Variants in FAF1 observed in about 807,000 individuals in gnomAD.
FAF1 encodes Fas associated factor 1, also known as FAS-associated factor 1.
In FAF1, 25 loss-of-function variants were observed where a neutral mutation model predicts 92.5. That is an observed-to-expected ratio of 0.27 (90% CI 0.20 to 0.38). FAF1 has a LOEUF of 0.38. FAF1 is among the 10% of genes least tolerant of loss of function. The pLI, the probability that FAF1 is intolerant of heterozygous loss-of-function variation, is 1.00. For missense variants in FAF1, 636 were observed against 793.3 expected (o/e 0.80, Z 2.38); for synonymous variants, 234 against 273.2 (o/e 0.86, Z 1.42).
rs1649696116 is a variant in FAF1, at chr1:50,558,295, TA to T, written c.1268+8781del. 3.3e-5 allele frequency among the ~76,000 whole-genome samples: 5 copies of T among 152,102 alleles called. No homozygotes were observed. The South Asian group carries it at 1.0e-3, about 32-fold the overall frequency. Reference sequence around the variant, plus strand: ...GTGTCATTAGATTACTCATGTTTTATATCAATATAAAAACTGTATGTTCTAA... The same window carrying T: ...GTGTCATTAGATTACTCATGTTTTATTCAATATAAAAACTGTATGTTCTAA... On this transcript the variant is annotated intron_variant, in intron 13 of 18. Transcript: ENST00000396153.
chr1:50,949,867 CT>C (rs924258634), intron 1 of FAF1, among the ~76,000 whole-genome samples: 3 of 151,302 alleles, frequency 2.0e-5, no homozygotes, highest in Non-Finnish European at 4.4e-5. Flanking sequence ...GATTACCATT[CT>C]TTTTTTTTCG....
chr1:50,505,429 G>T (rs1379367296), intron 15 of FAF1, among the ~76,000 whole-genome samples: 1 of 152,116 alleles, frequency 6.6e-6, no homozygotes, highest in Non-Finnish European at 1.5e-5. Flanking sequence ...GAATTTTGGG[G>T]GTGTGTGTAT....
intron 1 of FAF1, among the ~76,000 whole-genome samples, chr1:50,865,651 A>G (rs1644474972): frequency 8.0e-6 from 1 of 125,426 alleles, no homozygotes; most frequent in African/African-American, 3.0e-5. Flanking sequence ...GAACACATGG[A>G]CACAGGAAGG....
chr1:50,908,604 T>C (rs1301658807), intron 1 of FAF1, among the ~76,000 whole-genome samples: 3 of 152,180 alleles, frequency 2.0e-5, no homozygotes, highest in Non-Finnish European at 2.9e-5. Context: ...TCTTGTTGAA[T>C]TGATCCCTTT....
intron 6 of FAF1, among the ~76,000 whole-genome samples, chr1:50,726,523 C>T (rs1018180502): frequency 2.7e-5 from 4 of 150,920 alleles, no homozygotes; most frequent in Admixed American, 1.3e-4. Context: ...GGTGAAACCC[C>T]GGCTCTATTA....
At chr1:50,751,213 T>C (rs146150374) in intron 4 of FAF1, among the ~76,000 whole-genome samples, 62 of 151,106 alleles carry the variant, frequency 4.1e-4, no homozygotes, top group African/African-American at 1.5e-3. Context: ...GTAAACTTGA[T>C]AGAGGGCATT....
intron 18 of FAF1, among the ~76,000 whole-genome samples, chr1:50,460,227 A>G (rs1378122977): frequency 6.6e-6 from 1 of 152,198 alleles, no homozygotes; most frequent in African/African-American, 2.4e-5. Flanking sequence ...TTCCCCAAAC[A>G]TATCATACTG....
At chr1:50,602,092 TG>T (rs1293517431) in intron 8 of FAF1, among the ~76,000 whole-genome samples, 2 of 152,212 alleles carry the variant, frequency 1.3e-5, no homozygotes, top group Admixed American at 6.5e-5. Context: ...GATTTGGTTA[TG>T]TCACCTGCAG....
chr1:50,587,284 C>A (rs570568962), intron 9 of FAF1, among the ~76,000 whole-genome samples: 1 of 152,254 alleles, frequency 6.6e-6, no homozygotes, highest in South Asian at 2.1e-4. Flanking sequence ...AGTAGAGAAT[C>A]CCCAAACCTC....
intron 13 of FAF1, among the ~76,000 whole-genome samples, chr1:50,552,713 CT>C (rs1442301548): frequency 1.3e-5 from 2 of 152,002 alleles, no homozygotes; most frequent in Non-Finnish European, 2.9e-5. Flanking sequence ...TCATTTCTGT[CT>C]TTCTGATAAC....
chr1:50,789,032 T>C (rs1044473868), intron 3 of FAF1, among the ~76,000 whole-genome samples: 1 of 152,052 alleles, frequency 6.6e-6, no homozygotes, highest in Non-Finnish European at 1.5e-5. Flanking sequence ...CGGAGTCTTG[T>C]TAATGTTGCC....
At chr1:50,714,955 G>A in intron 6 of FAF1, 1 of 396,488 alleles carries the variant, frequency 2.5e-6, no homozygotes, top group Non-Finnish European at 4.9e-6. Flanking sequence ...AAGAGAAAAT[G>A]TATTTCTTTA....
intron 4 of FAF1, among the ~76,000 whole-genome samples, chr1:50,758,991 A>T (rs1310598527): frequency 6.6e-6 from 1 of 151,870 alleles, no homozygotes; most frequent in Non-Finnish European, 1.5e-5. Flanking sequence ...TACAGGCACC[A>T]GCCACCACGT....
chr1:50,439,257 A>T lies in FAF1; in HGVS notation c.*2183T>A, dbSNP rs1646149139. 1 of 152,214 alleles carries T rather than the reference A, an allele frequency of 6.6e-6. No homozygotes were observed. The highest frequency in any genetic ancestry group is 1.5e-5 in the Non-Finnish European group (1 of 68,042). The allele number at this position is 152,214 out of a possible 1,614,324, so 9.4% of individuals were successfully genotyped here. A position where few individuals can be genotyped will look rare whatever the true frequency, so the allele number is the denominator to read the frequency against. On this transcript the variant is annotated 3_prime_UTR_variant, in exon 19 of 19. Coordinates refer to ENST00000396153, the MANE Select transcript of FAF1 (RefSeq NM_007051.3). ...GTCATTTTAATGCTCTGCTTGTATG[A>T]AAAGGATAAAATTGCTTTGGCCTTT...
intron 3 of FAF1, among the ~76,000 whole-genome samples, chr1:50,800,965 T>A (rs1661967905): frequency 6.6e-6 from 1 of 152,244 alleles, no homozygotes; most frequent in Non-Finnish European, 1.5e-5. Context: ...TAAAGTGTTC[T>A]TTAATTCAGA....
intron 7 of FAF1, among the ~76,000 whole-genome samples, chr1:50,692,010 G>A (rs1359477036): frequency 1.3e-5 from 2 of 152,150 alleles, no homozygotes; most frequent in African/African-American, 4.8e-5. Context: ...GAGCCCAGGT[G>A]TATCAGACCA....
intron 12 of FAF1, 148 bp from the exon 13 acceptor site, chr1:50,567,379 C>G: frequency 2.0e-6 from 1 of 510,146 alleles, no homozygotes; most frequent in Non-Finnish European, 3.2e-6. Context: ...TTTGGAGTTC[C>G]TAAAGCATCT....
chr1:50,549,467 C>T (rs529182570), intron 13 of FAF1, among the ~76,000 whole-genome samples: 1 of 151,736 alleles, frequency 6.6e-6, no homozygotes, highest in African/African-American at 2.4e-5. Context: ...CACCACCATG[C>T]CCAGCTAAGT....
At chr1:50,713,533 C>T (rs915365657) in intron 6 of FAF1, among the ~76,000 whole-genome samples, 5 of 152,118 alleles carry the variant, frequency 3.3e-5, no homozygotes, top group Admixed American at 6.5e-5. Context: ...CTTGGCCTCC[C>T]ACAGTGCTGG....
Sources: gnomAD v4.1 joint callset for allele counts (sites outside exome capture counted in the v4.1 genomes callset) on GRCh38, gnomAD v4.1.1 for gene constraint, MANE v1.5 for transcripts, NCBI Gene and HGNC (gene_info 2026-07-23, HGNC 2026-07-21) for gene names.